SNX29: variants seen among roughly 807,000 people sequenced by gnomAD.
The protein encoded by SNX29 is sorting nexin-29.
Under a neutral mutation model 102.1 loss-of-function variants are expected in SNX29, and 78 were observed. The ratio of observed to expected loss-of-function variants is 0.76; its 90% confidence interval spans 0.64 to 0.92. The LOEUF is 0.92. Among genes scored for constraint, SNX29 ranks in the 40% least tolerant of loss-of-function variants. The pLI is 0.00. For synonymous variants in SNX29, 580 were observed against 414.5 expected, an observed-to-expected ratio of 1.40 and a Z score of -4.85; for missense variants, 1,280 against 1,061.7, an observed-to-expected ratio of 1.21 and a Z score of -2.86.
In SNX29 at chr16:12,405,094, C is replaced by T. The variant is rs114222288; in HGVS notation, c.2037+1565C>T. Among the ~76,000 whole-genome samples the T allele has an allele frequency of 9.4e-3, 1,430 of 152,188 alleles. 23 individuals carry two copies. The highest frequency in any genetic ancestry group is 0.032 in the African/African-American group (1,347 of 41,518). The stretch of plus-strand genomic sequence containing the variant: ...GTTTCTCCTTTTGTCCCCCACAAAC[C>T]CAACTTTCTTATTTGACCCTTCAAG... On this transcript the variant is annotated intron_variant, in intron 18 of 20. Coordinates refer to ENST00000566228, the MANE Select transcript of SNX29 (RefSeq NM_032167.5).
rs553373617 is a variant in SNX29 at position 12,459,540 on chromosome 16, G to A, written c.2038-18179G>A. Reference sequence around the variant, plus strand: ...AGGCAGAGAAAGACAACCACTGTTCGCACGGAGGCTTCCTCCTGGACCATG... The same window carrying A: ...AGGCAGAGAAAGACAACCACTGTTCACACGGAGGCTTCCTCCTGGACCATG... On this transcript the variant is annotated intron_variant, in intron 18 of 20. Coordinates refer to ENST00000566228, the MANE Select transcript of SNX29 (RefSeq NM_032167.5). Among the ~76,000 whole-genome samples, 7 of 152,292 alleles carry A rather than the reference G, an allele frequency of 4.6e-5. No homozygotes were observed. In the South Asian group the frequency reaches 8.3e-4, roughly 18 times the overall value.
rs975320851 is a variant in SNX29, at chr16:12,571,011, G to A, written c.*2382G>A. The A allele has an allele frequency of 2.6e-5, 6 of 232,654 alleles. No individual in the cohort carries two copies. The highest frequency in any genetic ancestry group is 5.6e-5 in the Admixed American group (1 of 17,770). The allele number at this position is 232,654 out of a possible 1,614,324, so 14.4% of individuals were successfully genotyped here. A position where few individuals can be genotyped will look rare whatever the true frequency, so the allele number is the denominator to read the frequency against. On this transcript the variant is annotated 3_prime_UTR_variant, in exon 21 of 21. Coordinates refer to ENST00000566228, the MANE Select transcript of SNX29 (RefSeq NM_032167.5). ...GATCATGCACAGACCGTAGAGTCGA[G>A]TCATCTCGCAGATCCAGACCATCTC...
At chr16:12,456,041 T>G (rs1272471075) in intron 18 of SNX29, among the ~76,000 whole-genome samples, 2 of 152,216 alleles carry the variant, frequency 1.3e-5, no homozygotes, top group East Asian at 3.8e-4. Flanking sequence ...GTTCAGGTGA[T>G]GTTCATTTAT....
intron 15 of SNX29, among the ~76,000 whole-genome samples, chr16:12,290,465 G>C (rs747824116): frequency 8.3e-4 from 127 of 152,196 alleles, no homozygotes; most frequent in Non-Finnish European, 1.7e-3. Context: ...CAGGTGTCCT[G>C]CACGTCCTTT....
chr16:12,021,544 G>A, intron 3 of SNX29, among the ~76,000 whole-genome samples: 1 of 152,110 alleles, frequency 6.6e-6, no homozygotes, highest in East Asian at 1.9e-4. Context: ...CAAAAGTATA[G>A]GATTCTTAGG....
At chr16:12,537,984 C>T (rs1015628913) in intron 20 of SNX29, among the ~76,000 whole-genome samples, 1 of 127,998 alleles carries the variant, frequency 7.8e-6, no homozygotes, top group Non-Finnish European at 1.7e-5. Context: ...AACTCCGTTT[C>T]AAAAAAAAAA....
At chr16:12,256,528 A>G (rs998209254) in intron 14 of SNX29, among the ~76,000 whole-genome samples, 5 of 152,130 alleles carry the variant, frequency 3.3e-5, no homozygotes, top group South Asian at 2.1e-4. Context: ...AGGTTTCACC[A>G]TGTAGGCCAG....
rs2079209223 is a variant in SNX29 at position 12,572,522 on chromosome 16, A to G, written c.*3893A>G. ...TCGGCCTTCCTGCTCCACGTGCTCA[A>G]GCCCCCACAGGGGGCTGCGACACCA... On this transcript the variant is annotated 3_prime_UTR_variant, in exon 21 of 21. Coordinates refer to ENST00000566228, the MANE Select transcript of SNX29 (RefSeq NM_032167.5). 2.9e-5 allele frequency: 31 copies of G among 1,064,138 alleles called. No individual in the cohort carries two copies. Among genetic ancestry groups the G allele is most frequent in the Non-Finnish European group, 3.4e-5 (30 of 878,550 alleles). 65.9% of individuals were successfully genotyped at this position (1,064,138 alleles called of 1,614,324 possible). A position where few individuals can be genotyped will look rare whatever the true frequency, so the allele number is the denominator to read the frequency against.
At position 12,104,411 on chromosome 16, in the gene SNX29, CT is replaced by C. The variant is rs1316487250; in HGVS notation, c.1403-22221del. Reference sequence around the variant, plus strand: ...TCTCTACTAAAAATACAAAAATTAGCTGGGCGTGGTGGTGCATGCCTGTAAT... The same window carrying C: ...TCTCTACTAAAAATACAAAAATTAGCGGGCGTGGTGGTGCATGCCTGTAAT... On this transcript the variant is annotated intron_variant, in intron 11 of 20. Transcript: ENST00000566228. 3.9e-5 allele frequency among the ~76,000 whole-genome samples: 6 copies of C among 152,210 alleles called. No homozygotes were observed. In the East Asian group the frequency reaches 1.2e-3, roughly 29 times the overall value.
intron 13 of SNX29, among the ~76,000 whole-genome samples, chr16:12,174,259 TGCTTCTGA>T (rs1367881925): frequency 6.6e-6 from 1 of 152,242 alleles, no homozygotes; most frequent in Non-Finnish European, 1.5e-5. Context: ...GTCTCCCCTG[TGCTTCTGA>T]GCTGTAGGAA....
intron 4 of SNX29, 167 bp downstream of exon 4, chr16:12,027,611 T>G: frequency 4.1e-6 from 3 of 724,288 alleles, no homozygotes; most frequent in Non-Finnish European, 6.3e-6. Flanking sequence ...GTAATGGTGT[T>G]GTCTGGCATC....
chr16:12,001,910 C>CT (rs1346007492), intron 2 of SNX29, among the ~76,000 whole-genome samples: 1 of 151,836 alleles, frequency 6.6e-6, no homozygotes, highest in African/African-American at 2.4e-5. Context: ...ATCCCAGCTA[C>CT]TTGGGAGACT....
At chr16:12,392,439 C>T (rs1477156901) in intron 16 of SNX29, among the ~76,000 whole-genome samples, 1 of 152,200 alleles carries the variant, frequency 6.6e-6, no homozygotes, top group African/African-American at 2.4e-5. Context: ...CACCCTTTCC[C>T]TGCTCCAGCC....
chr16:12,546,604 G>A (rs923219092), intron 20 of SNX29: 12 of 152,106 alleles, frequency 7.9e-5, no homozygotes, highest in African/African-American at 2.7e-4. Flanking sequence ...TAATACAGGT[G>A]GAACATAAAT....
chr16:12,406,838 G>A (rs1344776125), intron 18 of SNX29, among the ~76,000 whole-genome samples: 1 of 152,192 alleles, frequency 6.6e-6, no homozygotes, highest in African/African-American at 2.4e-5. Context: ...GAACCTGGGA[G>A]GCAGAGGTTG....
rs117336399 is a variant in SNX29 at position 12,462,940 on chromosome 16, A to G, written c.2038-14779A>G. On this transcript the variant is annotated intron_variant, in intron 18 of 20. Coordinates refer to ENST00000566228, the MANE Select transcript of SNX29 (RefSeq NM_032167.5). The stretch of plus-strand genomic sequence containing the variant: ...ATACTTCCTTTTACATCCCCCTGCT[A>G]TGATCGCTGGATCCCCCAGCAGCTT... 6.7e-3 allele frequency among the ~76,000 whole-genome samples: 1,027 copies of G among 152,282 alleles called. 6 individuals carry two copies. Among genetic ancestry groups the G allele is most frequent in the Middle Eastern group, 0.014 (4 of 294 alleles).
At chr16:12,472,307 G>C (rs1378033212) in intron 18 of SNX29, among the ~76,000 whole-genome samples, 2 of 152,104 alleles carry the variant, frequency 1.3e-5, no homozygotes, top group African/African-American at 4.8e-5. Context: ...GATCACCTGA[G>C]GCCAGGAGTT....
At chr16:12,048,009 C>G (rs1040371720) in intron 6 of SNX29, among the ~76,000 whole-genome samples, 3 of 152,094 alleles carry the variant, frequency 2.0e-5, no homozygotes, top group African/African-American at 7.2e-5. Context: ...CACTCCCAGG[C>G]AGCCTGATCC....
At chr16:12,429,729 C>T (rs1018161877) in intron 18 of SNX29, among the ~76,000 whole-genome samples, 1 of 152,174 alleles carries the variant, frequency 6.6e-6, no homozygotes, top group Non-Finnish European at 1.5e-5. Context: ...CTAATTTCTC[C>T]TTGTCAAACA....
Sources: gnomAD v4.1 joint callset for allele counts (sites outside exome capture counted in the v4.1 genomes callset) on GRCh38, gnomAD v4.1.1 for gene constraint, MANE v1.5 for transcripts, NCBI Gene and HGNC (gene_info 2026-07-23, HGNC 2026-07-21) for gene names.